Variants in MGST1 observed in about 807,000 individuals in gnomAD.
MGST1 encodes the protein microsomal glutathione S-transferase 1.
A neutral mutation model predicts 8.9 loss-of-function variants in MGST1; 5 were observed. That is an observed-to-expected ratio of 0.56 (90% CI 0.29 to 1.19). MGST1 has a LOEUF of 1.19. Ranked by LOEUF, MGST1 falls within the 50% of genes most tolerant of loss-of-function variation. The pLI, the probability that MGST1 is intolerant of heterozygous loss-of-function variation, is 0.08. For synonymous variants in MGST1, 54 were observed against 67.8 expected (o/e 0.80, Z 1.00); for missense variants, 182 against 187.4 (o/e 0.97, Z 0.17).
At chr12:16,489,104 C>T (rs980458284) in intron 4 of MGST1, among the ~76,000 whole-genome samples, 2 of 151,368 alleles carry the variant, frequency 1.3e-5, no homozygotes, top group African/African-American at 4.9e-5. Flanking sequence ...AGCAAGATCA[C>T]CATCTCAAAA....
intron 3 of MGST1, among the ~76,000 whole-genome samples, chr12:16,373,909 A>T (rs1940337335): frequency 6.6e-6 from 1 of 152,192 alleles, no homozygotes; most frequent in Admixed American, 6.6e-5. Flanking sequence ...CTATGAAAAC[A>T]TAGCTTCTTA....
intron 4 of MGST1, among the ~76,000 whole-genome samples, chr12:16,554,133 T>C (rs962380105): frequency 1.3e-5 from 2 of 152,198 alleles, no homozygotes; most frequent in Non-Finnish European, 2.9e-5. Context: ...TTGAGTGATT[T>C]AGCTGACTTC....
At chr12:16,360,921 T>C (rs1396846206) in intron 3 of MGST1, among the ~76,000 whole-genome samples, 9 of 152,108 alleles carry the variant, frequency 5.9e-5, no homozygotes, top group Non-Finnish European at 1.3e-4. Context: ...ATTTCTTCTA[T>C]TGGGATGCTA....
At chr12:16,568,699 C>T (rs1565490422) in intron 4 of MGST1, among the ~76,000 whole-genome samples, 1 of 152,200 alleles carries the variant, frequency 6.6e-6, no homozygotes, top group South Asian at 2.1e-4. Context: ...AAACTAATTT[C>T]ACCTTTAAAA....
intron 4 of MGST1, among the ~76,000 whole-genome samples, chr12:16,564,935 A>G (rs1244551661): frequency 6.6e-6 from 1 of 152,072 alleles, no homozygotes; most frequent in Admixed American, 6.6e-5. Context: ...ACAAGTGCAT[A>G]TCAACAGACT....
At chr12:16,354,187 G>A (rs1480023478) in intron 1 of MGST1, 44 bp from the exon 2 acceptor site, 8 of 1,393,462 alleles carry the variant, frequency 5.7e-6, no homozygotes, top group African/African-American at 1.5e-5. Context: ...GTTATTTTGG[G>A]TATTTATGTC....
At chr12:16,583,447 A>C (rs1256389548) in intron 4 of MGST1, among the ~76,000 whole-genome samples, 2 of 152,236 alleles carry the variant, frequency 1.3e-5, no homozygotes. Flanking sequence ...AAAAGAAGAT[A>C]CTAAAGACTG....
chr12:16,529,718 C>A (rs542406617), intron 4 of MGST1, among the ~76,000 whole-genome samples: 1 of 152,120 alleles, frequency 6.6e-6, no homozygotes, highest in East Asian at 1.9e-4. Context: ...CTTCTCTAGG[C>A]AAAGTGTTTG....
rs1416138332 is a variant in MGST1, at chr12:16,375,282, A to G, written c.222-840A>G. On this transcript the variant is annotated intron_variant, in intron 3 of 3. Transcript: ENST00000535309. ...GCAATAGAATAAAATGAAAAGAGATAGAAACTATTTTTAAAAGTATCTTGT... is the reference window on the plus strand; with the variant it reads ...GCAATAGAATAAAATGAAAAGAGATGGAAACTATTTTTAAAAGTATCTTGT... Among the ~76,000 whole-genome samples the G allele has an allele frequency of 3.9e-5, 6 of 152,322 alleles. 1 individual carries two copies. The Middle Eastern group carries it at 0.014, about 345-fold the overall frequency.
intron 4 of MGST1, among the ~76,000 whole-genome samples, chr12:16,467,777 C>T (rs1427373891): frequency 6.6e-6 from 1 of 152,176 alleles, no homozygotes; most frequent in Non-Finnish European, 1.5e-5. Flanking sequence ...TCTGCTTTTA[C>T]ATATTAATAA....
chr12:16,355,607 C>T (rs1399501513), intron 2 of MGST1, among the ~76,000 whole-genome samples: 1 of 152,168 alleles, frequency 6.6e-6, no homozygotes, highest in Non-Finnish European at 1.5e-5. Context: ...TGTCTGCTTC[C>T]AGGTCCACAC....
rs950463179 is a variant in MGST1 at position 16,482,346 on chromosome 12, G to A, written n.482+98742G>A. Among the ~76,000 whole-genome samples the A allele has an allele frequency of 6.6e-6, 1 of 152,230 alleles. No homozygotes were observed. The highest frequency in any genetic ancestry group is 1.9e-4 in the East Asian group (1 of 5,174). On this transcript the variant is annotated intron_variant and non_coding_transcript_variant, in intron 4 of 4. Coordinates refer to the MGST1 transcript ENST00000538857. This position sits in a 1 kb window ranked among gnomAD's most constrained non-coding sequence, Gnocchi z 4.2. ...TTTGATCTGAAGTATAAAAAAAAGA[G>A]CAAGGGCCGGGTGCAGTGGCTCACG...
At chr12:16,522,562 A>G (rs1565468924) in intron 4 of MGST1, among the ~76,000 whole-genome samples, 2 of 152,028 alleles carry the variant, frequency 1.3e-5, no homozygotes. Context: ...TATCCCCAGC[A>G]GCTTCATCTA....
Position 16,390,943 on chromosome 12 carries a change from C to G in MGST1, n.778+7339C>G, listed in dbSNP as rs368549581. 1.4e-4 allele frequency among the ~76,000 whole-genome samples: 22 copies of G among 152,116 alleles called. No homozygotes were observed. In the East Asian group the frequency reaches 1.5e-3, roughly 11 times the overall value. On this transcript the variant is annotated intron_variant and non_coding_transcript_variant, in intron 1 of 1. Transcript: ENST00000359720. Reference sequence around the variant, plus strand: ...CCCACCAAGAGTGCATAAGTGTTCGCTTTTCTCCACAACCTCTCTAGCATC... The same window carrying G: ...CCCACCAAGAGTGCATAAGTGTTCGGTTTTCTCCACAACCTCTCTAGCATC...
chr12:16,407,727 T>C (rs938528356), intron 1 of MGST1, among the ~76,000 whole-genome samples: 17 of 152,112 alleles, frequency 1.1e-4, no homozygotes, highest in African/African-American at 4.1e-4. Context: ...TGGAATACTA[T>C]GCAGCCATAA....
intron 4 of MGST1, among the ~76,000 whole-genome samples, chr12:16,446,274 G>A (rs1223701281): frequency 6.6e-6 from 1 of 151,922 alleles, no homozygotes; most frequent in Admixed American, 6.6e-5. Context: ...CAGTTGCAGA[G>A]TGACTAAGGA....
At chr12:16,417,888 A>G (rs1424777060) in intron 1 of MGST1, among the ~76,000 whole-genome samples, 1 of 152,208 alleles carries the variant, frequency 6.6e-6, no homozygotes, top group African/African-American at 2.4e-5. Flanking sequence ...CAGTAAAGCA[A>G]GTATTTAAAG....
chr12:16,580,815 T>G lies in MGST1; in HGVS notation n.483-8713T>G, dbSNP rs181500698. ...ATCTCTATTGTTAAATTTTTCACGA[T>G]GTTCTTATAGTTGCTTTGCAATAAA... On this transcript the variant is annotated intron_variant and non_coding_transcript_variant, in intron 4 of 4. Transcript: ENST00000538857. 1.4e-4 allele frequency among the ~76,000 whole-genome samples: 22 copies of G among 152,326 alleles called. No homozygotes were observed. The East Asian group carries it at 4.1e-3, about 28-fold the overall frequency.
chr12:16,444,235 G>A (rs903755514), intron 4 of MGST1, among the ~76,000 whole-genome samples: 2 of 147,198 alleles, frequency 1.4e-5, no homozygotes, highest in East Asian at 4.0e-4. Context: ...ACCTTCCATG[G>A]CTGGAGGCTT....
Sources: allele counts gnomAD v4.1 joint callset (sites outside exome capture counted in the v4.1 genomes callset), GRCh38; gene constraint gnomAD v4.1.1; non-coding constraint Gnocchi (gnomAD v3.1); transcripts MANE v1.5; gene names NCBI Gene and HGNC (gene_info 2026-07-23, HGNC 2026-07-21).